Variants in TBC1D10C observed in about 807,000 individuals in gnomAD.
The protein encoded by TBC1D10C is TBC1 domain family member 10C.
Under a neutral mutation model 51.0 loss-of-function variants are expected in TBC1D10C, and 49 were observed. The ratio of observed to expected loss-of-function variants is 0.96; its 90% CI spans 0.76 to 1.22. The LOEUF is 1.22. Among genes scored for constraint, TBC1D10C ranks in the 50% most tolerant of loss-of-function variants. The probability of loss-of-function intolerance (pLI) is 0.00; values close to 1 mark genes in which losing one functional copy is unlikely to be tolerated. For synonymous variants in TBC1D10C, 281 were observed against 266.7 expected (o/e 1.05, Z -0.52); for missense variants, 541 against 617.5 (o/e 0.88, Z 1.31).
At position 67,406,907 on chromosome 11, in the gene TBC1D10C, G is replaced by A. The variant is rs777425545; in HGVS notation, c.729G>A (p.Gln243=). ...LLPHVHKHLQ[Q]VGVGPLLYLP... Reference sequence around the variant, plus strand: ...CGCACGTGCACAAGCACCTGCAGCAGGTGGGCGTCGGACCCCTGCTGTACC... The same window carrying A: ...CGCACGTGCACAAGCACCTGCAGCAAGTGGGCGTCGGACCCCTGCTGTACC... Residue 243 remains glutamine, a synonymous_variant, in exon 7 of 9, where the codon CAG becomes CAA. Transcript: ENST00000542590. 8.7e-6 allele frequency: 14 copies of A among 1,612,218 alleles called. No individual in the cohort carries two copies. In the Middle Eastern group the frequency reaches 9.9e-4, roughly 114 times the overall value.
In TBC1D10C at chr11:67,405,129, A is replaced by G. The variant is rs1247602243; in HGVS notation, c.197A>G (p.Lys66Arg). 4 of 1,551,478 alleles carry G rather than the reference A, an allele frequency of 2.6e-6. No homozygotes were observed. The highest frequency in any genetic ancestry group is 3.5e-6 in the Non-Finnish European group (4 of 1,146,964). ...GACCTCATCCGCCAACGGGAGATGA[A>G]GTGGGTGGAGATGACCTCGCACTGG... ...PADLIRQREM[K>R]WVEMTSHWEK... The change falls in exon 2 of 9, where the codon AAG (lysine) becomes AGG (arginine). Residue 66 changes from lysine (K) to arginine (R), a missense_variant. Transcript: ENST00000542590.
At chr11:67,405,275 C>A in intron 2 of TBC1D10C, 91 bp downstream of exon 2, 1 of 1,497,308 alleles carries the variant, frequency 6.7e-7, no homozygotes, top group Non-Finnish European at 9.1e-7. Flanking sequence ...CCCTGTGTCC[C>A]AGCACCTCCG....
In TBC1D10C at chr11:67,409,137, G is replaced by A. The variant is rs756209112; in HGVS notation, c.993+4G>A. ...GGAGGAGGCCTTCATGTCACAGGTG[G>A]GTACCCCCACCTCTCCTTGGACTTG... On this transcript the variant is annotated splice_donor_region_variant and intron_variant, in intron 8 of 8. Transcript: ENST00000542590. 40 of 1,587,420 alleles carry A rather than the reference G, an allele frequency of 2.5e-5. No individual in the cohort carries two copies. Among genetic ancestry groups the A allele is most frequent in the Non-Finnish European group, 3.3e-5 (39 of 1,168,190 alleles).
At chr11:67,409,367 C>T in intron 8 of TBC1D10C, 40 bp from the exon 9 acceptor site, 3 of 1,533,652 alleles carry the variant, frequency 2.0e-6, no homozygotes, top group Non-Finnish European at 2.6e-6. Flanking sequence ...CTGTTCCTGC[C>T]TTGAGGCCGG....
In TBC1D10C at chr11:67,404,295, T is replaced by G. The variant is rs779447663; in HGVS notation, c.93T>G (p.Pro31=). 6 of 1,601,560 alleles carry G rather than the reference T, an allele frequency of 3.7e-6. No homozygotes were observed. The South Asian group carries it at 5.5e-5, about 15-fold the overall frequency. The change falls in exon 1 of 9, where the codon CCT becomes CCG. Residue 31 remains proline, a synonymous_variant. Transcript: ENST00000542590. ...GGTCCGACTCAGAGCTCAGCGGGCC[T>G]GGCCCATATCGCCAGGCCGACCGCT... ...SLGSDSELSG[P]GPYRQADRYG...
chr11:67,405,672 C>G lies in TBC1D10C; in HGVS notation c.438C>G (p.His146Gln), dbSNP rs1402306861. ...ACCTGCACCGTCAATTCCCTCTGCACGAGATGTTTGTGTCGCCTCAGGGCC... is the reference window on the plus strand; with the variant it reads ...ACCTGCACCGTCAATTCCCTCTGCAGGAGATGTTTGTGTCGCCTCAGGGCC... ...GRDLHRQFPL[H>Q]EMFVSPQGHG... Residue 146 changes from histidine to glutamine, a missense_variant, in exon 4 of 9, where the codon CAC becomes CAG. By Grantham distance (24) the His-to-Gln change is conservative. Transcript: ENST00000542590. 1 of 1,613,798 alleles carries G rather than the reference C, an allele frequency of 6.2e-7. No homozygotes were observed. The highest frequency in any genetic ancestry group is 1.7e-5 in the Admixed American group (1 of 60,024).
At chr11:67,404,907 C>T in intron 1 of TBC1D10C, 178 bp from the exon 2 acceptor site, 1 of 601,718 alleles carries the variant, frequency 1.7e-6, no homozygotes, top group Non-Finnish European at 2.9e-6. Context: ...GTCGGAGCCA[C>T]ATCCTTTCCT....
chr11:67,406,386 A>T (rs950347702), intron 5 of TBC1D10C: 2 of 563,212 alleles, frequency 3.6e-6, no homozygotes, highest in African/African-American at 3.8e-5. Context: ...TGACCTTCAA[A>T]TCTAACACCA....
At chr11:67,404,467 T>A in intron 1 of TBC1D10C, 113 bp downstream of exon 1, 1 of 1,174,714 alleles carries the variant, frequency 8.5e-7, no homozygotes, top group Admixed American at 3.0e-5. Context: ...GGAGGGGGAC[T>A]CAGCCAGTAG....
Position 67,406,931 on chromosome 11 carries a change from C to A in TBC1D10C, c.753C>A (p.Tyr251Ter). The A allele has an allele frequency of 6.2e-7, 1 of 1,613,078 alleles. No individual in the cohort carries two copies. Among genetic ancestry groups the A allele is most frequent in the Non-Finnish European group, 8.5e-7 (1 of 1,179,976 alleles). The change falls in exon 7 of 9, where the codon TAC becomes TAA. Residue 251 changes from tyrosine to a stop codon, truncating the protein, a stop_gained. Transcript: ENST00000542590. LOFTEE classifies it high-confidence loss of function. The stretch of plus-strand genomic sequence containing the variant: ...AGGTGGGCGTCGGACCCCTGCTGTA[C>A]CTGCCCGAGTGGTTCCTGTGCCTCT... ...LQQVGVGPLL[Y>*]LPEWFLCLFA...
chr11:67,409,384 G>A (rs1405014472), intron 8 of TBC1D10C, 23 bp from the exon 9 acceptor site: 3 of 1,541,656 alleles, frequency 1.9e-6, no homozygotes, highest in Non-Finnish European at 2.6e-6. Flanking sequence ...CCGGGCAAAC[G>A]CAGCACCAAC....
At chr11:67,406,740 T>A (rs1170903418) in intron 6 of TBC1D10C, 48 bp downstream of exon 6, 1 of 1,587,538 alleles carries the variant, frequency 6.3e-7, no homozygotes, top group Non-Finnish European at 8.6e-7. Flanking sequence ...AGGGGCCCGG[T>A]GAGTGGGTGG....
At position 67,406,882 on chromosome 11, in the gene TBC1D10C, C is replaced by T. The variant is rs761616611; in HGVS notation, c.704C>T (p.Pro235Leu). The T allele has an allele frequency of 3.7e-6, 6 of 1,610,762 alleles. No homozygotes were observed. The highest frequency in any genetic ancestry group is 1.1e-5 in the South Asian group (1 of 91,056). Residue 235 changes from proline to leucine, a missense_variant, in exon 7 of 9, where the codon CCG becomes CTG. Physicochemically the swap from Pro to Leu is moderately conservative, Grantham distance 98 (BLOSUM62 -3). Coordinates refer to ENST00000542590, the MANE Select transcript of TBC1D10C (RefSeq NM_001369496.1). ...ATGGCCCTGCTGCGGCGGCTGCTTC[C>T]GCACGTGCACAAGCACCTGCAGCAG... is the stretch of plus-strand genomic sequence containing the variant. ...VFMALLRRLL[P>L]HVHKHLQQVG...
At position 67,406,996 on chromosome 11, in the gene TBC1D10C, G is replaced by C; in HGVS notation, c.818G>C (p.Trp273Ser). 1 of 1,612,358 alleles carries C rather than the reference G, an allele frequency of 6.2e-7. No individual in the cohort carries two copies. The highest frequency in any genetic ancestry group is 8.5e-7 in the Non-Finnish European group (1 of 1,179,680). ...CCCTTCCCCACAGTGCTGCGTGTCT[G>C]GGATGCCTTCCTCAGTGAGGGTGAG... is the stretch of plus-strand genomic sequence containing the variant. ...SLPFPTVLRV[W>S]DAFLSEGARV... is the part of the protein sequence containing the mutation. The change falls in exon 7 of 9, where the codon TGG becomes TCG. Residue 273 changes from tryptophan (W) to serine (S), a missense_variant. Coordinates refer to ENST00000542590, the MANE Select transcript of TBC1D10C (RefSeq NM_001369496.1).
At chr11:67,409,190 G>A (rs1863332284) in intron 8 of TBC1D10C, 57 bp downstream of exon 8, 2 of 1,511,850 alleles carry the variant, frequency 1.3e-6, no homozygotes, top group African/African-American at 1.4e-5. Context: ...GGGGGAAACT[G>A]AGTCCCAGAG....
At chr11:67,406,749 G>T in intron 6 of TBC1D10C, 57 bp downstream of exon 6, 1 of 1,598,468 alleles carries the variant, frequency 6.3e-7, no homozygotes, top group South Asian at 1.1e-5. Flanking sequence ...GTGAGTGGGT[G>T]GGGGTCTGGG....
chr11:67,408,617 G>A (rs1863294250), intron 7 of TBC1D10C: 1 of 211,334 alleles, frequency 4.7e-6, no homozygotes, highest in African/African-American at 2.3e-5. Flanking sequence ...AGGGAGGGTA[G>A]GAGGTGCTCC....
Position 67,409,485 on chromosome 11 carries a change from C to G in TBC1D10C, c.1072C>G (p.Pro358Ala). Residue 358 changes from proline (P) to alanine (A), a missense_variant, in exon 9 of 9, where the codon CCG (proline) becomes GCG (alanine). Physicochemically the swap from Pro to Ala is conservative, Grantham distance 27 (BLOSUM62 -1). Transcript: ENST00000542590. ...GCTGGCCCAGCTGCCCGATTCCGCG[C>G]CGGGACCCCCGCCCCGGCCACAGGT... Reference protein sequence around the residue: ...AQLAQLPDSAPGPPPRPQVRL... With the variant: ...AQLAQLPDSAAGPPPRPQVRL... The G allele has an allele frequency of 6.5e-7, 1 of 1,548,618 alleles. No homozygotes were observed. The highest frequency in any genetic ancestry group is 1.4e-5 in the African/African-American group (1 of 73,138).
Position 67,405,708 on chromosome 11 carries a change from G to A in TBC1D10C, c.467+7G>A, listed in dbSNP as rs775228541. On this transcript the variant is annotated splice_region_variant and intron_variant, in intron 4 of 8. Coordinates refer to ENST00000542590, the MANE Select transcript of TBC1D10C (RefSeq NM_001369496.1). The stretch of plus-strand genomic sequence containing the variant: ...TGTCGCCTCAGGGCCACGGGTACGA[G>A]GCCGGTGATGCCCAGGGACCCCCAG... 1.2e-5 allele frequency: 20 copies of A among 1,613,302 alleles called. No homozygotes were observed. The highest frequency in any genetic ancestry group is 3.3e-4 in the Middle Eastern group (2 of 6,084).
Sources: allele counts gnomAD v4.1 joint callset, GRCh38; gene constraint gnomAD v4.1.1; transcripts MANE v1.5; gene names NCBI Gene and HGNC (gene_info 2026-07-23, HGNC 2026-07-21).